SFXN4: variants seen among roughly 807,000 people sequenced by gnomAD.
SFXN4 encodes the protein sideroflexin 4.
SFXN4 carries 48 observed loss-of-function variants against 54.6 expected under a neutral mutation model. The observed-to-expected ratio is 0.88, with a 90% CI of 0.70 to 1.12. The LOEUF is 1.12. SFXN4 is among the 50% of genes most tolerant of loss of function. The probability of loss-of-function intolerance (pLI) is 0.00; values close to 1 mark genes in which losing one functional copy is unlikely to be tolerated. For missense variants in SFXN4, 383 were observed against 409.2 expected (o/e 0.94, Z 0.55); for synonymous variants, 130 against 145.5 (o/e 0.89, Z 0.77).
Position 119,141,229 on chromosome 10 carries a change from C to T in SFXN4, c.*13G>A, listed in dbSNP as rs1564809957. 1 of 1,596,482 alleles carries T rather than the reference C, an allele frequency of 6.3e-7. No individual in the cohort carries two copies. Among genetic ancestry groups the T allele is most frequent in the Non-Finnish European group, 8.6e-7 (1 of 1,169,256 alleles). The stretch of plus-strand genomic sequence containing the variant: ...TCAAGCAGGAACCACATAAATTCAC[C>T]TAAAACTCACGCCTACACCCCTCTG... On this transcript the variant is annotated 3_prime_UTR_variant, in exon 14 of 14. Transcript: ENST00000355697.
At chr10:119,149,489 C>A (rs967002869) in intron 11 of SFXN4, among the ~76,000 whole-genome samples, 1 of 152,156 alleles carries the variant, frequency 6.6e-6, no homozygotes, top group Non-Finnish European at 1.5e-5. Flanking sequence ...GTGGCTCATG[C>A]TTATAATCCC....
chr10:119,159,516 G>A (rs1388600068), intron 6 of SFXN4, among the ~76,000 whole-genome samples: 3 of 148,604 alleles, frequency 2.0e-5, no homozygotes, highest in Non-Finnish European at 3.0e-5. Flanking sequence ...CCAGAGGCCC[G>A]GATGCCTGAC....
chr10:119,154,700 T>G (rs966128002), intron 11 of SFXN4, among the ~76,000 whole-genome samples: 2 of 152,138 alleles, frequency 1.3e-5, no homozygotes, highest in Middle Eastern at 3.4e-3. Flanking sequence ...GGTGCAGTGG[T>G]GTGTGCCTGT....
rs769029336 is a variant in SFXN4 at position 119,162,424 on chromosome 10, G to A, written c.178-10C>T. ...AGTTTTCTATACTTTCCTAAAATCA[G>A]ATATCAAGTAATCAAGTAATGATCT... is the stretch of plus-strand genomic sequence containing the variant. On this transcript the variant is annotated splice_polypyrimidine_tract_variant and intron_variant, in intron 2 of 13. Coordinates refer to ENST00000355697, the MANE Select transcript of SFXN4 (RefSeq NM_213649.2). The A allele has an allele frequency of 1.2e-6, 2 of 1,605,284 alleles. No individual in the cohort carries two copies. The highest frequency in any genetic ancestry group is 2.2e-5 in the South Asian group (2 of 90,896).
intron 13 of SFXN4, among the ~76,000 whole-genome samples, chr10:119,145,652 A>C (rs1846761345): frequency 6.6e-6 from 1 of 152,080 alleles, no homozygotes; most frequent in Non-Finnish European, 1.5e-5. Context: ...GTAGGAATAC[A>C]GTATACAACA....
At chr10:119,150,294 G>A (rs543162393) in intron 11 of SFXN4, among the ~76,000 whole-genome samples, 3 of 152,094 alleles carry the variant, frequency 2.0e-5, no homozygotes, top group African/African-American at 7.2e-5. Flanking sequence ...GGGGCTGCTG[G>A]GGAGACGGGG....
At chr10:119,149,165 C>G (rs1846946411) in intron 11 of SFXN4, among the ~76,000 whole-genome samples, 1 of 152,144 alleles carries the variant, frequency 6.6e-6, no homozygotes, top group African/African-American at 2.4e-5. Flanking sequence ...AACATGTTAA[C>G]TTTAGAACCC....
At chr10:119,142,696 AC>A (rs1846590049) in intron 13 of SFXN4, among the ~76,000 whole-genome samples, 1 of 118,300 alleles carries the variant, frequency 8.5e-6, no homozygotes, top group South Asian at 2.8e-4. Flanking sequence ...GACTACAGGC[AC>A]CCGCCACCAC....
In SFXN4 at chr10:119,155,153, T is replaced by C. The variant is rs1345903453; in HGVS notation, c.641A>G (p.Tyr214Cys). The C allele has an allele frequency of 1.9e-6, 3 of 1,613,958 alleles. No homozygotes were observed. The highest frequency in any genetic ancestry group is 2.5e-6 in the Non-Finnish European group (3 of 1,179,772). Residue 214 changes from tyrosine (Y) to cysteine (C), a missense_variant, in exon 11 of 14, where the codon TAC becomes TGC. Tyr to Cys is a radical substitution (Grantham distance 194, BLOSUM62 -2). Coordinates refer to ENST00000355697, the MANE Select transcript of SFXN4 (RefSeq NM_213649.2). ...FLVQASGMNV[Y>C]MSRSLESIKG... ...AATGGATTCAAGACTTCGGGACATG[T>C]AGACATTCATTCCACTGGCTTGCAC...
At chr10:119,156,824 A>C in intron 9 of SFXN4, 68 bp from the exon 10 acceptor site, 1 of 1,206,394 alleles carries the variant, frequency 8.3e-7, no homozygotes. Flanking sequence ...ACTCACTAGC[A>C]GAGAGGTCGC....
At chr10:119,142,207 CACAA>C (rs1436378673) in intron 13 of SFXN4, among the ~76,000 whole-genome samples, 4 of 152,114 alleles carry the variant, frequency 2.6e-5, no homozygotes, top group East Asian at 1.9e-4. Context: ...GTCTCAAACA[CACAA>C]ACAAACAAAA....
intron 13 of SFXN4, among the ~76,000 whole-genome samples, chr10:119,142,247 A>T (rs1478308494): frequency 6.6e-6 from 1 of 151,910 alleles, no homozygotes; most frequent in Non-Finnish European, 1.5e-5. Flanking sequence ...AATGTAATGA[A>T]CTCACATGTG....
chr10:119,159,834 A>G (rs1040697023), intron 5 of SFXN4, 81 bp from the exon 6 acceptor site: 50 of 1,440,128 alleles, frequency 3.5e-5, no homozygotes, highest in Admixed American at 1.0e-4. Flanking sequence ...ACCCACCTGA[A>G]CACCTCTTCC....
intron 2 of SFXN4, 88 bp from the exon 3 acceptor site, chr10:119,162,502 G>T: frequency 9.2e-7 from 1 of 1,086,372 alleles, no homozygotes; most frequent in Non-Finnish European, 1.4e-6. Flanking sequence ...TCACTCACCA[G>T]CATGCACTGG....
At chr10:119,143,797 G>A (rs1846662270) in intron 13 of SFXN4, among the ~76,000 whole-genome samples, 1 of 152,070 alleles carries the variant, frequency 6.6e-6, no homozygotes, top group Non-Finnish European at 1.5e-5. Flanking sequence ...AACATTTTAT[G>A]TAGAGACGAG....
intron 2 of SFXN4, among the ~76,000 whole-genome samples, chr10:119,163,599 C>T (rs1392537849): frequency 6.6e-6 from 1 of 151,444 alleles, no homozygotes; most frequent in Middle Eastern, 3.2e-3. Flanking sequence ...ACGTCGGTTT[C>T]ACCATGTTGG....
chr10:119,152,725 C>A (rs1365718255), intron 11 of SFXN4, among the ~76,000 whole-genome samples: 5 of 151,674 alleles, frequency 3.3e-5, no homozygotes, highest in Non-Finnish European at 5.9e-5. Context: ...CTTTGTCAGT[C>A]AGTGATAGGA....
intron 13 of SFXN4, among the ~76,000 whole-genome samples, chr10:119,142,468 C>T (rs1301863495): frequency 6.6e-6 from 1 of 151,630 alleles, no homozygotes; most frequent in Non-Finnish European, 1.5e-5. Context: ...CATTGTCACA[C>T]CTAACAAAAT....
At chr10:119,159,205 G>A (rs891764238) in intron 6 of SFXN4, among the ~76,000 whole-genome samples, 5 of 148,508 alleles carry the variant, frequency 3.4e-5, no homozygotes, top group African/African-American at 1.2e-4. Flanking sequence ...GCTTGAACGA[G>A]GGAGGCAGAG....
Sources: allele counts gnomAD v4.1 joint callset (sites outside exome capture counted in the v4.1 genomes callset), GRCh38; gene constraint gnomAD v4.1.1; transcripts MANE v1.5; gene names NCBI Gene and HGNC (gene_info 2026-07-23, HGNC 2026-07-21).